The following ABAT variants were observed in gnomAD, a reference collection of about 807,000 sequenced individuals.
ABAT encodes the protein 4-aminobutyrate aminotransferase, mitochondrial.
In ABAT, 45 loss-of-function variants were observed where a neutral mutation model predicts 64.6. The ratio of observed to expected loss-of-function variants is 0.70; its 90% CI spans 0.55 to 0.89. ABAT has a LOEUF of 0.89. Among genes scored for constraint, ABAT ranks in the 40% least tolerant of loss-of-function variants. The probability of loss-of-function intolerance (pLI) is 0.00; values close to 1 mark genes in which losing one functional copy is unlikely to be tolerated. For synonymous variants in ABAT, 297 were observed against 250.5 expected (o/e 1.19, Z -1.75); for missense variants, 633 against 658.4 (o/e 0.96, Z 0.42).
intron 2 of ABAT, chr16:8,737,370 A>T (rs1218470034): frequency 6.6e-6 from 1 of 152,050 alleles, no homozygotes; most frequent in Admixed American, 6.6e-5. Flanking sequence ...CCAACTACTC[A>T]GCAGGCTGAG....
intron 1 of ABAT, among the ~76,000 whole-genome samples, chr16:8,723,809 T>TTATATATATATATATA (rs540646083): frequency 1.7e-3 from 75 of 44,820 alleles, no homozygotes; most frequent in East Asian, 9.0e-3. Context: ...TCCAAGCTTT[T>TTATATATATATATATA]TATATATATA....
chr16:8,739,651 G>A (rs529328761), intron 2 of ABAT, among the ~76,000 whole-genome samples: 5 of 152,224 alleles, frequency 3.3e-5, no homozygotes, highest in South Asian at 2.1e-4. Context: ...CCCAGGAGGC[G>A]GAGGTTATGG....
chr16:8,707,886 GGC>G (rs1305520816), intron 1 of ABAT, among the ~76,000 whole-genome samples: 6 of 152,086 alleles, frequency 3.9e-5, no homozygotes, highest in African/African-American at 1.2e-4. Context: ...TAGGGATATT[GGC>G]AACCCCAGGT....
intron 6 of ABAT, among the ~76,000 whole-genome samples, chr16:8,760,615 A>G (rs1278407790): frequency 2.0e-4 from 30 of 152,248 alleles, no homozygotes; most frequent in Admixed American, 2.0e-3. Flanking sequence ...AGGCTCCCGA[A>G]TGTGTTTACA....
chr16:8,675,755 G>A (rs1387049535), intron 1 of ABAT, among the ~76,000 whole-genome samples: 2 of 152,070 alleles, frequency 1.3e-5, no homozygotes, highest in African/African-American at 4.8e-5. Context: ...GAGACCACCC[G>A]CCACCTCTCC....
rs1567315356 is a variant in ABAT, at chr16:8,772,834, A to G, written c.871A>G (p.Ile291Val). The change falls in exon 12 of 16, where the codon ATC (isoleucine) becomes GTC (valine). Residue 291 changes from isoleucine (I) to valine (V), a missense_variant. Transcript: ENST00000268251. ...AAAGAAGAAGACGGTGGCCGGGATC[A>G]TCGTGGAGCCCATCCAGTCCGAGGG... Reference protein sequence around the residue: ...RKKKKTVAGIIVEPIQSEGGD... With the variant: ...RKKKKTVAGIVVEPIQSEGGD... 1 of 1,614,128 alleles carries G rather than the reference A, an allele frequency of 6.2e-7. No homozygotes were observed. Among genetic ancestry groups the G allele is most frequent in the East Asian group, 2.2e-5 (1 of 44,868 alleles).
Position 8,776,317 on chromosome 16 carries a change from C to G in ABAT, c.1123-27C>G, listed in dbSNP as rs1196403676. On this transcript the variant is annotated intron_variant, in intron 13 of 15. Coordinates refer to ENST00000268251, the MANE Select transcript of ABAT (RefSeq NM_020686.6). This position sits in a 1 kb window ranked among gnomAD's most constrained non-coding sequence, Gnocchi z 4.4. ...CTGCAGGGTGTGCATGTGTGTGAAG[C>G]CTTCCAACACCCGTTCCTCATTCCA... 10 of 1,614,004 alleles carry G rather than the reference C, an allele frequency of 6.2e-6. No individual in the cohort carries two copies. Among genetic ancestry groups the G allele is most frequent in the Non-Finnish European group, 8.5e-6 (10 of 1,180,008 alleles).
chr16:8,710,018 G>GC (rs2058034319), intron 1 of ABAT, among the ~76,000 whole-genome samples: 1 of 151,726 alleles, frequency 6.6e-6, no homozygotes, highest in Non-Finnish European at 1.5e-5. Context: ...TCACTGTATT[G>GC]CCCAGGCTGG....
At chr16:8,753,431 C>T (rs1641014) in intron 5 of ABAT, among the ~76,000 whole-genome samples, 140,881 of 152,250 alleles carry the variant, frequency 0.93, 65,953 homozygotes, top group East Asian at 1. Context: ...GCCTTGCAGA[C>T]GCCTGCCCCT....
At chr16:8,750,352 A>G (rs1221213282) in intron 4 of ABAT, 70 bp from the exon 5 acceptor site, 1 of 1,303,916 alleles carries the variant, frequency 7.7e-7, no homozygotes, top group African/African-American at 1.5e-5. Context: ...CACTGATTCA[A>G]GCTTAATCCT....
chr16:8,725,008 C>T (rs1427855252), intron 1 of ABAT, among the ~76,000 whole-genome samples: 1 of 151,850 alleles, frequency 6.6e-6, no homozygotes, highest in African/African-American at 2.4e-5. Context: ...CCTCCGCCTC[C>T]CGGGTCCAAG....
intron 1 of ABAT, among the ~76,000 whole-genome samples, chr16:8,730,330 T>G (rs1289072648): frequency 1.3e-5 from 2 of 152,162 alleles, no homozygotes; most frequent in African/African-American, 4.8e-5. Flanking sequence ...TCATTCACTC[T>G]TTCCTTCTAA....
At chr16:8,731,562 G>A (rs776009694) in intron 1 of ABAT, 1 of 152,016 alleles carries the variant, frequency 6.6e-6, no homozygotes, top group African/African-American at 2.4e-5. Flanking sequence ...ACTGGAAGCC[G>A]TGGTAGTTGT....
rs1174911767 is a variant in ABAT, at chr16:8,781,182, T to G, written c.1382-127T>G. On this transcript the variant is annotated intron_variant, in intron 15 of 15. Coordinates refer to ENST00000268251, the MANE Select transcript of ABAT (RefSeq NM_020686.6). The surrounding 1 kb of genome is among the most constrained non-coding windows in gnomAD (Gnocchi z 4.5). ...AGGAAGGAAGCCCGGGCTTCCATGA[T>G]GGAGGATGATGGATGGATGGATGGA... 18 of 1,447,454 alleles carry G rather than the reference T, an allele frequency of 1.2e-5. No individual in the cohort carries two copies. The African/African-American group carries it at 2.8e-4, about 22-fold the overall frequency. 89.7% of individuals were successfully genotyped at this position (1,447,454 alleles called of 1,614,324 possible).
intron 1 of ABAT, among the ~76,000 whole-genome samples, chr16:8,726,081 C>A (rs190418344): frequency 2.6e-5 from 4 of 152,038 alleles, no homozygotes; most frequent in South Asian, 2.1e-4. Context: ...TTCAACCCGC[C>A]ACTACCCTTC....
intron 5 of ABAT, among the ~76,000 whole-genome samples, chr16:8,755,917 T>C (rs566594297): frequency 3.7e-4 from 56 of 152,118 alleles, no homozygotes; most frequent in African/African-American, 1.2e-3. Context: ...GGCGTGGTGA[T>C]GGGCGCCTGT....
intron 5 of ABAT, among the ~76,000 whole-genome samples, chr16:8,751,027 C>T (rs1204900046): frequency 6.7e-6 from 1 of 149,446 alleles, no homozygotes; most frequent in Non-Finnish European, 1.5e-5. Context: ...TGGCTCACTG[C>T]AACCTCTGCC....
chr16:8,721,183 A>G (rs943732933), intron 1 of ABAT, among the ~76,000 whole-genome samples: 5 of 151,678 alleles, frequency 3.3e-5, no homozygotes, highest in African/African-American at 1.2e-4. Flanking sequence ...TGGGGGTAAG[A>G]TCATTTTGAA....
At chr16:8,683,633 A>C (rs566004535) in intron 1 of ABAT, 5 of 152,068 alleles carry the variant, frequency 3.3e-5, no homozygotes, top group Admixed American at 3.3e-4. Flanking sequence ...TAGGGGGAGC[A>C]TTCTGAAGCT....
Sources: gnomAD v4.1 joint callset for allele counts (sites outside exome capture counted in the v4.1 genomes callset) on GRCh38, gnomAD v4.1.1 for gene constraint, Gnocchi (gnomAD v3.1) non-coding constraint, MANE v1.5 for transcripts, NCBI Gene and HGNC (gene_info 2026-07-23, HGNC 2026-07-21) for gene names.